The following COL9A2 variants were observed in gnomAD, a reference collection of about 807,000 sequenced individuals.
COL9A2 encodes the protein collagen alpha-2(IX) chain.
In COL9A2, 66 loss-of-function variants were observed where a neutral mutation model predicts 111.6. The observed-to-expected ratio is 0.59, with a 90% CI of 0.48 to 0.73. The LOEUF is 0.73. COL9A2 is among the 30% of genes least tolerant of loss of function. COL9A2 has a pLI of 0.00. For synonymous variants in COL9A2, 353 were observed against 364.1 expected, an observed-to-expected ratio of 0.97 and a Z score of 0.35; for missense variants, 881 against 954.1, an observed-to-expected ratio of 0.92 and a Z score of 1.01.
At position 40,311,320 on chromosome 1, in the gene COL9A2, CA is replaced by C; in HGVS notation, c.520-35del. 6.2e-7 allele frequency: 1 copy of C among 1,609,486 alleles called. No homozygotes were observed. The highest frequency in any genetic ancestry group is 1.3e-5 in the African/African-American group (1 of 74,866). The stretch of plus-strand genomic sequence containing the variant: ...AGAAAATCCCACAGGGTCCTGTGAT[CA>C]GCTGGGCAGTGCGCCCCCATCTCTC... On this transcript the variant is annotated intron_variant, in intron 10 of 31. Transcript: ENST00000372748. This position sits in a 1 kb window ranked among gnomAD's most constrained non-coding sequence, Gnocchi z 5.1.
At chr1:40,315,774 C>T in intron 1 of COL9A2, 110 bp from the exon 2 acceptor site, 2 of 660,342 alleles carry the variant, frequency 3.0e-6, no homozygotes, top group Non-Finnish European at 5.3e-6. Flanking sequence ...AGCTCTTCCG[C>T]GAACTCCCAC....
rs772436105 is a variant in COL9A2, at chr1:40,304,775, C to T, written c.1161+19G>A. 4 of 1,548,506 alleles carry T rather than the reference C, an allele frequency of 2.6e-6. No individual in the cohort carries two copies. Among genetic ancestry groups the T allele is most frequent in the South Asian group, 1.2e-5 (1 of 83,932 alleles). On this transcript the variant is annotated intron_variant, in intron 22 of 31. Transcript: ENST00000372748. ...GCCGCAGAGGCCCCCGGGGAGGGGC[C>T]ATTGTGCCAGGCACTTACCTTCTGT...
chr1:40,315,585 CTT>C lies in COL9A2; in HGVS notation c.150+3_150+4del, dbSNP rs1354346098. On this transcript the variant is annotated splice_donor_region_variant and intron_variant, in intron 2 of 31. Coordinates refer to ENST00000372748, the MANE Select transcript of COL9A2 (RefSeq NM_001852.4). The stretch of plus-strand genomic sequence containing the variant: ...TCCCGCCCTGGTCTCAGGTTAGAGA[CTT>C]ACGTCGATGCCGTCGGATCCAGGCA... 6.4e-7 allele frequency: 1 copy of C among 1,552,168 alleles called. No individual in the cohort carries two copies. The highest frequency in any genetic ancestry group is 2.4e-5 in the East Asian group (1 of 41,112).
rs1384321475 is a variant in COL9A2 at position 40,301,674 on chromosome 1, C to T, written c.1870+138G>A. ...AACCACCCAGAGACTCCGGGGTGCTCCAAAGGGGTGCAGAAGCTGGGTATC... is the reference window on the plus strand; with the variant it reads ...AACCACCCAGAGACTCCGGGGTGCTTCAAAGGGGTGCAGAAGCTGGGTATC... On this transcript the variant is annotated intron_variant, in intron 31 of 31. Transcript: ENST00000372748. 2.1e-5 allele frequency: 18 copies of T among 850,700 alleles called. No homozygotes were observed. In the Middle Eastern group the frequency reaches 8.0e-4, roughly 38 times the overall value. The allele number at this position is 850,700 out of a possible 1,614,324, so 52.7% of individuals were successfully genotyped here.
rs3831927 is a variant in COL9A2 at position 40,302,811 on chromosome 1, TGGAG to T, written c.1604-6_1604-3del. 1,861 of 524,462 alleles carry T rather than the reference TGGAG, an allele frequency of 3.5e-3. No individual in the cohort carries two copies. The highest frequency in any genetic ancestry group is 5.1e-3 in the Non-Finnish European group (1,454 of 287,320). 32.5% of individuals were successfully genotyped at this position (524,462 alleles called of 1,614,324 possible). ...TCACGGCGACCTCTGCCAGTTGCTCTGGAGGGAGGGAGGGAGGGAGGGAGAGGGA... is the reference window on the plus strand; with the variant it reads ...TCACGGCGACCTCTGCCAGTTGCTCTGGAGGGAGGGAGGGAGGGAGAGGGA... On this transcript the variant is annotated splice_region_variant and splice_polypyrimidine_tract_variant and intron_variant, in intron 29 of 31. Transcript: ENST00000372748. This position sits in a 1 kb window ranked among gnomAD's most constrained non-coding sequence, Gnocchi z 4.5.
At position 40,303,225 on chromosome 1, in the gene COL9A2, A is replaced by G; in HGVS notation, c.1549-40T>C. ...CTTTCAGGAAGAAGCCCCTGGCTAC[A>G]AGGGCCCACCGCTCCTATCCCACCT... On this transcript the variant is annotated intron_variant, in intron 28 of 31. Coordinates refer to ENST00000372748, the MANE Select transcript of COL9A2 (RefSeq NM_001852.4). This position sits in a 1 kb window ranked among gnomAD's most constrained non-coding sequence, Gnocchi z 4.6. The G allele has an allele frequency of 1.3e-6, 2 of 1,588,242 alleles. No individual in the cohort carries two copies. Among genetic ancestry groups the G allele is most frequent in the Non-Finnish European group, 1.7e-6 (2 of 1,163,896 alleles).
rs376809219 is a variant in COL9A2, at chr1:40,317,234, C to G, written c.-37G>C. ...AGACCAAGGGGGACGGGTGCGTGTC[C>G]GCGCACGCACCGACGGCAGAGTCTC... On this transcript the variant is annotated 5_prime_UTR_variant, in exon 1 of 32. Transcript: ENST00000372748. This position sits in a 1 kb window ranked among gnomAD's most constrained non-coding sequence, Gnocchi z 4.3. The G allele has an allele frequency of 1.6e-4, 241 of 1,514,096 alleles. No individual in the cohort carries two copies. In the African/African-American group the frequency reaches 3.1e-3, roughly 19 times the overall value. 93.8% of individuals were successfully genotyped at this position (1,514,096 alleles called of 1,614,324 possible). A position where few individuals can be genotyped will look rare whatever the true frequency, so the allele number is the denominator to read the frequency against.
In COL9A2 at chr1:40,310,567, T is replaced by A; in HGVS notation, c.684+147A>T. 1.1e-6 allele frequency: 1 copy of A among 890,648 alleles called. No homozygotes were observed. Among genetic ancestry groups the A allele is most frequent in the Non-Finnish European group, 1.8e-6 (1 of 546,862 alleles). 55.2% of individuals were successfully genotyped at this position (890,648 alleles called of 1,614,324 possible). A position where few individuals can be genotyped will look rare whatever the true frequency, so the allele number is the denominator to read the frequency against. On this transcript the variant is annotated intron_variant, in intron 13 of 31. Coordinates refer to ENST00000372748, the MANE Select transcript of COL9A2 (RefSeq NM_001852.4). This position sits in a 1 kb window ranked among gnomAD's most constrained non-coding sequence, Gnocchi z 4.9. ...GGTTCCTGTCCCTCATTCCTGACAA[T>A]TTCAGCCTCCATCTCCCCATCCAGA...
intron 4 of COL9A2, among the ~76,000 whole-genome samples, chr1:40,313,048 C>A (rs374990551): frequency 3.9e-5 from 6 of 152,348 alleles, no homozygotes; most frequent in African/African-American, 1.4e-4. Context: ...AGGCTTCATG[C>A]CTCCGGGTTC....
In COL9A2 at chr1:40,314,356, G is replaced by A. The variant is rs1180754065; in HGVS notation, c.182C>T (p.Pro61Leu). The change falls in exon 3 of 32, where the codon CCT (proline) becomes CTT (leucine). Residue 61 changes from proline (P) to leucine (L), a missense_variant. Pro to Leu is a moderately conservative substitution (Grantham distance 98). Transcript: ENST00000372748. This position sits in a 1 kb window ranked among gnomAD's most constrained non-coding sequence, Gnocchi z 4.1. Reference sequence around the variant, plus strand: ...CAAAGAGGATAAAGCACTCACCGGAGGGCCAGCTTTTCCAGGGGGCCCATT... The same window carrying A: ...CAAAGAGGATAAAGCACTCACCGGAAGGCCAGCTTTTCCAGGGGGCCCATT... Reference protein sequence around the residue: ...GDNGPPGKAGPPGPKGEPGKA... With the variant: ...GDNGPPGKAGLPGPKGEPGKA... 6.2e-7 allele frequency: 1 copy of A among 1,614,204 alleles called. No individual in the cohort carries two copies. The highest frequency in any genetic ancestry group is 8.5e-7 in the Non-Finnish European group (1 of 1,180,032).
chr1:40,315,679 C>T lies in COL9A2; in HGVS notation c.76-15G>A, dbSNP rs887054913. The stretch of plus-strand genomic sequence containing the variant: ...GGTGGACCTCTCTGAAAAACACACA[C>T]GGGGTGGGGCAGTCCTCAGACAGTG... On this transcript the variant is annotated splice_polypyrimidine_tract_variant and intron_variant, in intron 1 of 31. Coordinates refer to ENST00000372748, the MANE Select transcript of COL9A2 (RefSeq NM_001852.4). The T allele has an allele frequency of 1.4e-5, 22 of 1,546,450 alleles. No individual in the cohort carries two copies. Among genetic ancestry groups the T allele is most frequent in the African/African-American group, 4.1e-5 (3 of 73,228 alleles).
intron 20 of COL9A2, 47 bp downstream of exon 20, chr1:40,306,096 C>T: frequency 6.2e-7 from 1 of 1,610,134 alleles, no homozygotes; most frequent in Non-Finnish European, 8.5e-7. Flanking sequence ...TCTTCCTGGC[C>T]CCAGACTTCC....
rs1644050943 is a variant in COL9A2 at position 40,307,637 on chromosome 1, G to T, written c.954+66C>A. On this transcript the variant is annotated intron_variant, in intron 18 of 31. Coordinates refer to ENST00000372748, the MANE Select transcript of COL9A2 (RefSeq NM_001852.4). The surrounding 1 kb of genome is among the most constrained non-coding windows in gnomAD (Gnocchi z 4.8). ...CATGACCTGAGGACCCCAGGCTCTT[G>T]GTGTCTAGAATCCAGGACTCAAGGT... 1.9e-6 allele frequency: 3 copies of T among 1,598,800 alleles called. No homozygotes were observed. Among genetic ancestry groups the T allele is most frequent in the Admixed American group, 3.4e-5 (2 of 59,236 alleles).
Position 40,302,033 on chromosome 1 carries a change from G to A in COL9A2, c.1793-144C>T. ...AGTTGGAAATGGTCACGCAGGGCTT[G>A]TTAAATAAAGGAAGGTGCAGACAAA... is the stretch of plus-strand genomic sequence containing the variant. On this transcript the variant is annotated intron_variant, in intron 30 of 31. Coordinates refer to ENST00000372748, the MANE Select transcript of COL9A2 (RefSeq NM_001852.4). The surrounding 1 kb of genome is among the most constrained non-coding windows in gnomAD (Gnocchi z 4.5). 3.9e-6 allele frequency: 3 copies of A among 777,198 alleles called. No homozygotes were observed. The highest frequency in any genetic ancestry group is 6.5e-6 in the Non-Finnish European group (3 of 463,602). The allele number at this position is 777,198 out of a possible 1,614,324, so 48.1% of individuals were successfully genotyped here.
At chr1:40,304,741 G>A in intron 22 of COL9A2, 53 bp downstream of exon 22, 1 of 1,505,052 alleles carries the variant, frequency 6.6e-7, no homozygotes. Flanking sequence ...GTATCCAGCA[G>A]TGCCAGCTGC....
chr1:40,310,825 A>C lies in COL9A2; in HGVS notation c.631-58T>G. 1 of 1,398,726 alleles carries C rather than the reference A, an allele frequency of 7.1e-7. No individual in the cohort carries two copies. Among genetic ancestry groups the C allele is most frequent in the Non-Finnish European group, 9.9e-7 (1 of 1,008,472 alleles). The allele number at this position is 1,398,726 out of a possible 1,614,324, so 86.6% of individuals were successfully genotyped here. A position where few individuals can be genotyped will look rare whatever the true frequency, so the allele number is the denominator to read the frequency against. On this transcript the variant is annotated intron_variant, in intron 12 of 31. Transcript: ENST00000372748. The surrounding 1 kb of genome is among the most constrained non-coding windows in gnomAD (Gnocchi z 4.9). The stretch of plus-strand genomic sequence containing the variant: ...GGCAGATGGAAAGACACATATACAG[A>C]CAAGCAAAGATACCACCTCTTTTCC...
At chr1:40,304,231 G>A in intron 24 of COL9A2, 89 bp downstream of exon 24, 2 of 1,525,790 alleles carry the variant, frequency 1.3e-6, no homozygotes, top group Non-Finnish European at 1.8e-6. Context: ...CCGCAGGTTT[G>A]GAGGCTCCGG....
chr1:40,308,057 C>A (rs1355429648), intron 17 of COL9A2, 135 bp downstream of exon 17: 6 of 852,064 alleles, frequency 7.0e-6, no homozygotes, highest in Non-Finnish European at 1.2e-5. Context: ...GAAAGGGAGG[C>A]ATTTCCTGAG....
intron 2 of COL9A2, 77 bp downstream of exon 2, chr1:40,315,513 A>AC (rs1644204714): frequency 7.6e-7 from 1 of 1,308,978 alleles, no homozygotes; most frequent in African/African-American, 1.5e-5. Flanking sequence ...CGAAGTCCCC[A>AC]CCCCCACCAC....
Sources: allele counts gnomAD v4.1 joint callset (sites outside exome capture counted in the v4.1 genomes callset), GRCh38; gene constraint gnomAD v4.1.1; non-coding constraint Gnocchi (gnomAD v3.1); transcripts MANE v1.5; gene names NCBI Gene and HGNC (gene_info 2026-07-23, HGNC 2026-07-21).